The following CNTN5 variants were observed in gnomAD, a reference collection of about 807,000 sequenced individuals.
CNTN5 encodes contactin 5.
Under a neutral mutation model 129.1 loss-of-function variants are expected in CNTN5, and 77 were observed. That is an observed-to-expected ratio of 0.60 (90% CI 0.50 to 0.72). CNTN5 has a LOEUF of 0.72. Among genes scored for constraint, CNTN5 ranks in the 30% least tolerant of loss-of-function variants. The pLI, the probability that CNTN5 is intolerant of heterozygous loss-of-function variation, is 0.00. For synonymous variants in CNTN5, 509 were observed against 465.6 expected (o/e 1.09, Z -1.20); for missense variants, 1,478 against 1,328.8 (o/e 1.11, Z -1.75).
intron 24 of CNTN5, 147 bp downstream of exon 24, chr11:100,351,017 A>T (rs1163794476): frequency 3.4e-6 from 2 of 587,404 alleles, no homozygotes; most frequent in Non-Finnish European, 5.8e-6. Context: ...CTTCTGATTA[A>T]TATGAACCAT....
At chr11:99,738,316 A>T (rs1360205402) in intron 3 of CNTN5, among the ~76,000 whole-genome samples, 1 of 152,216 alleles carries the variant, frequency 6.6e-6, no homozygotes, top group Non-Finnish European at 1.5e-5. Flanking sequence ...CAAGCTAAGC[A>T]GAGAGGTTTC....
intron 6 of CNTN5, among the ~76,000 whole-genome samples, chr11:99,874,087 A>T (rs1219321556): frequency 6.6e-6 from 1 of 152,152 alleles, no homozygotes. Flanking sequence ...TGGGGATTTG[A>T]AAAATTACCT....
intron 1 of CNTN5, among the ~76,000 whole-genome samples, chr11:99,160,549 G>T (rs1284997371): frequency 6.6e-6 from 1 of 151,988 alleles, no homozygotes; most frequent in Admixed American, 6.6e-5. Context: ...TTTACTTTTT[G>T]CTGTACCGAA....
chr11:99,290,923 G>T (rs1048761132), intron 1 of CNTN5, among the ~76,000 whole-genome samples: 1 of 151,766 alleles, frequency 6.6e-6, no homozygotes, highest in African/African-American at 2.4e-5. Flanking sequence ...TATTGTTATA[G>T]CATAACTGTA....
chr11:100,178,052 G>T lies in CNTN5; in HGVS notation c.1581-13074G>T, dbSNP rs11223100. On this transcript the variant is annotated intron_variant, in intron 13 of 24. Coordinates refer to ENST00000524871, the MANE Select transcript of CNTN5 (RefSeq NM_014361.4). Reference sequence around the variant, plus strand: ...GCAGAGAGTACCATTATTTATGAAGGTTTTCAGAATCCATCTGTTCTCTGG... The same window carrying T: ...GCAGAGAGTACCATTATTTATGAAGTTTTTCAGAATCCATCTGTTCTCTGG... Among the ~76,000 whole-genome samples the T allele has an allele frequency of 8.1e-3, 1,231 of 152,082 alleles. 17 individuals carry two copies. The highest frequency in any genetic ancestry group is 0.028 in the African/African-American group (1,149 of 41,510).
chr11:99,882,999 T>A (rs1948811180), intron 6 of CNTN5, among the ~76,000 whole-genome samples: 1 of 152,198 alleles, frequency 6.6e-6, no homozygotes, highest in Non-Finnish European at 1.5e-5. Flanking sequence ...CTTATTTCAC[T>A]TAACATAACA....
intron 3 of CNTN5, among the ~76,000 whole-genome samples, chr11:99,701,462 T>C (rs77651940): frequency 0.02 from 2,954 of 151,290 alleles, 90 homozygotes; most frequent in African/African-American, 0.066. Flanking sequence ...TTCTGACTTA[T>C]TCCCAAATAT....
At chr11:99,301,794 T>C (rs1441958883) in intron 1 of CNTN5, among the ~76,000 whole-genome samples, 1 of 151,786 alleles carries the variant, frequency 6.6e-6, no homozygotes, top group Non-Finnish European at 1.5e-5. Context: ...CTCTTCTTAA[T>C]GTACATGAAA....
chr11:100,222,551 A>G (rs1949287622), intron 15 of CNTN5, among the ~76,000 whole-genome samples: 1 of 152,080 alleles, frequency 6.6e-6, no homozygotes, highest in South Asian at 2.1e-4. Flanking sequence ...ATGTGATTTT[A>G]TGACATTTTT....
intron 6 of CNTN5, among the ~76,000 whole-genome samples, chr11:99,851,499 T>A (rs2135725898): frequency 6.6e-6 from 1 of 152,298 alleles, no homozygotes; most frequent in Middle Eastern, 3.4e-3. Context: ...TTTGCAAACA[T>A]CCTTCAGAAA....
chr11:100,004,923 C>G (rs756366262), intron 9 of CNTN5, among the ~76,000 whole-genome samples: 1 of 152,122 alleles, frequency 6.6e-6, no homozygotes, highest in African/African-American at 2.4e-5. Context: ...TCTGGTGGCT[C>G]TCATGGCTGA....
At chr11:100,161,872 C>CACATACACACACACACACACAA in intron 13 of CNTN5, among the ~76,000 whole-genome samples, 3 of 127,672 alleles carry the variant, frequency 2.3e-5, no homozygotes, top group African/African-American at 9.0e-5. Flanking sequence ...CACACACACA[C>CACATACACACACACACACACAA]AAAACAAAAA....
chr11:99,812,828 C>T (rs923115960), intron 3 of CNTN5, among the ~76,000 whole-genome samples: 2 of 152,162 alleles, frequency 1.3e-5, no homozygotes, highest in South Asian at 2.1e-4. Context: ...AGGAACTGAG[C>T]GATGATGGCG....
intron 7 of CNTN5, among the ~76,000 whole-genome samples, chr11:99,924,389 G>A (rs545520181): frequency 1.2e-3 from 179 of 152,244 alleles, no homozygotes; most frequent in African/African-American, 4.2e-3. Context: ...TTATATTTAA[G>A]TATGTAATCC....
chr11:99,186,010 G>T (rs894996848), intron 1 of CNTN5, among the ~76,000 whole-genome samples: 4 of 151,442 alleles, frequency 2.6e-5, no homozygotes, highest in Admixed American at 6.6e-5. Context: ...TCAAAATAAA[G>T]GTTTATGAAT....
chr11:99,384,068 A>G (rs1940772488), intron 2 of CNTN5, among the ~76,000 whole-genome samples: 1 of 152,208 alleles, frequency 6.6e-6, no homozygotes, highest in African/African-American at 2.4e-5. Flanking sequence ...TTCCCTAGTC[A>G]TTCTTCCATT....
chr11:99,101,980 G>A (rs1866757564), intron 1 of CNTN5, among the ~76,000 whole-genome samples: 1 of 152,162 alleles, frequency 6.6e-6, no homozygotes, highest in Non-Finnish European at 1.5e-5. Context: ...CTTCTGCCAG[G>A]ACATCCAGGC....
chr11:100,041,458 A>G (rs890541256), intron 9 of CNTN5, among the ~76,000 whole-genome samples: 4 of 152,230 alleles, frequency 2.6e-5, no homozygotes, highest in Non-Finnish European at 5.9e-5. Flanking sequence ...GAGTGAACAA[A>G]TGAATATACA....
chr11:99,771,571 C>G (rs1026256030), intron 3 of CNTN5, among the ~76,000 whole-genome samples: 2 of 151,854 alleles, frequency 1.3e-5, no homozygotes, highest in African/African-American at 4.8e-5. Flanking sequence ...GCTGCATAAT[C>G]TCACTATATG....
Sources: allele counts gnomAD v4.1 joint callset (sites outside exome capture counted in the v4.1 genomes callset), GRCh38; gene constraint gnomAD v4.1.1; transcripts MANE v1.5; gene names NCBI Gene and HGNC (gene_info 2026-07-23, HGNC 2026-07-21).